The following CTNNA1 variants were observed in gnomAD, a reference collection of about 807,000 sequenced individuals.
The protein encoded by CTNNA1 is catenin alpha 1.
In CTNNA1, 37 loss-of-function variants were observed where a neutral mutation model predicts 98.4. The observed-to-expected ratio is 0.38, with a 90% CI of 0.29 to 0.49. The LOEUF (loss-of-function observed/expected upper bound fraction) is 0.49, where lower values mean the gene tolerates loss of function less well. Ranked by LOEUF, CTNNA1 falls within the 20% of genes least tolerant of loss-of-function variation. The probability of loss-of-function intolerance (pLI) is 0.95; values close to 1 mark genes in which losing one functional copy is unlikely to be tolerated. For synonymous variants in CTNNA1, 404 were observed against 413.2 expected (o/e 0.98, Z 0.27); for missense variants, 761 against 1,147.2 (o/e 0.66, Z 4.86).
chr5:138,915,105 C>T (rs1761450830), intron 10 of CTNNA1, among the ~76,000 whole-genome samples: 1 of 152,024 alleles, frequency 6.6e-6, no homozygotes. Context: ...TGACATTGCG[C>T]CACTGCACTC....
intron 3 of CTNNA1, among the ~76,000 whole-genome samples, chr5:138,794,745 A>G (rs990603122): frequency 1.3e-5 from 2 of 152,202 alleles, no homozygotes; most frequent in Non-Finnish European, 2.9e-5. Context: ...GGACATGGAG[A>G]TGGGATGGGG....
intron 11 of CTNNA1, among the ~76,000 whole-genome samples, chr5:138,923,876 G>T (rs76329481): frequency 1.3e-5 from 2 of 152,226 alleles, no homozygotes; most frequent in African/African-American, 4.8e-5. Context: ...CCACCCATCA[G>T]CTTCATAGGA....
At chr5:138,770,585 A>G (rs536404392) in intron 1 of CTNNA1, among the ~76,000 whole-genome samples, 15 of 152,256 alleles carry the variant, frequency 9.9e-5, no homozygotes, top group South Asian at 2.1e-4. Flanking sequence ...TCTGCCTGGA[A>G]TGCTCTCTTC....
At chr5:138,805,826 C>T (rs1486932409) in intron 3 of CTNNA1, among the ~76,000 whole-genome samples, 1 of 149,746 alleles carries the variant, frequency 6.7e-6, no homozygotes, top group East Asian at 1.9e-4. Flanking sequence ...GCAGAAATTT[C>T]CTTTCATTTG....
At chr5:138,898,651 T>G (rs948849403) in intron 9 of CTNNA1, among the ~76,000 whole-genome samples, 1 of 151,836 alleles carries the variant, frequency 6.6e-6, no homozygotes. Context: ...CATGTCTAAG[T>G]GTGGATTTCT....
chr5:138,835,199 A>G (rs1431463546), intron 7 of CTNNA1, among the ~76,000 whole-genome samples: 1 of 152,170 alleles, frequency 6.6e-6, no homozygotes, highest in Non-Finnish European at 1.5e-5. Flanking sequence ...GCTTCAGGCC[A>G]TCTGGATGTA....
At chr5:138,903,827 T>C (rs1191351985) in intron 9 of CTNNA1, among the ~76,000 whole-genome samples, 1 of 151,370 alleles carries the variant, frequency 6.6e-6, no homozygotes, top group African/African-American at 2.4e-5. Flanking sequence ...CTTCATGTTA[T>C]TTTTTTTTGT....
rs926934891 is a variant in CTNNA1, at chr5:138,900,355, T to C, written c.1297-3994T>C. ...TGTCCCACATCTCTTCTCACTTGCTTACTCCTACAACAGGTATAAACTGTT... is the reference window on the plus strand; with the variant it reads ...TGTCCCACATCTCTTCTCACTTGCTCACTCCTACAACAGGTATAAACTGTT... On this transcript the variant is annotated intron_variant, in intron 9 of 17. Transcript: ENST00000302763. Among the ~76,000 whole-genome samples the C allele has an allele frequency of 6.9e-4, 105 of 152,188 alleles. 1 individual carries two copies.
At chr5:138,885,127 A>G (rs1245665715) in intron 7 of CTNNA1, among the ~76,000 whole-genome samples, 1 of 152,198 alleles carries the variant, frequency 6.6e-6, no homozygotes, top group African/African-American at 2.4e-5. Flanking sequence ...ATTTTCCACA[A>G]TTGACAGGTA....
intron 5 of CTNNA1, among the ~76,000 whole-genome samples, chr5:138,812,536 T>C (rs1758938734): frequency 6.6e-6 from 1 of 152,234 alleles, no homozygotes; most frequent in African/African-American, 2.4e-5. Flanking sequence ...TTAAGTAGCT[T>C]GACAACTTGT....
Position 138,925,124 on chromosome 5 carries a change from C to A in CTNNA1, c.1748-132C>A, listed in dbSNP as rs1763725547. On this transcript the variant is annotated intron_variant, in intron 12 of 17. Transcript: ENST00000302763. The stretch of plus-strand genomic sequence containing the variant: ...ATTTAATTTATTTCAACTGTAAATA[C>A]CCTTCACACAGGTAGAAGCAGAGGC... 4.4e-6 allele frequency: 4 copies of A among 906,906 alleles called. No individual in the cohort carries two copies. The South Asian group carries it at 5.3e-5, about 12-fold the overall frequency. The allele number at this position is 906,906 out of a possible 1,614,324, so 56.2% of individuals were successfully genotyped here.
At chr5:138,866,782 G>A (rs1371875284) in intron 7 of CTNNA1, among the ~76,000 whole-genome samples, 3 of 152,196 alleles carry the variant, frequency 2.0e-5, no homozygotes. Flanking sequence ...TCCTTTAAGA[G>A]TATTCCCAAA....
chr5:138,848,301 A>G (rs1326002627), intron 7 of CTNNA1, among the ~76,000 whole-genome samples: 1 of 152,272 alleles, frequency 6.6e-6, no homozygotes, highest in Non-Finnish European at 1.5e-5. Flanking sequence ...GAGTCATGTA[A>G]GGCACAACCA....
At chr5:138,779,367 A>T (rs1432113416) in intron 1 of CTNNA1, among the ~76,000 whole-genome samples, 2 of 152,134 alleles carry the variant, frequency 1.3e-5, no homozygotes, top group African/African-American at 4.8e-5. Flanking sequence ...TTAGTTACAG[A>T]CAGTTACAGT....
chr5:138,929,411 C>G (rs1764827924), intron 14 of CTNNA1, 55 bp downstream of exon 14: 1 of 871,506 alleles, frequency 1.1e-6, no homozygotes, highest in Non-Finnish European at 1.9e-6. Flanking sequence ...TTCCCTGTCC[C>G]CTTTCTTGTT....
intron 7 of CTNNA1, among the ~76,000 whole-genome samples, chr5:138,857,661 C>T (rs1456192411): frequency 2.0e-5 from 3 of 152,256 alleles, no homozygotes; most frequent in East Asian, 1.9e-4. Context: ...ATTAGTGGCA[C>T]TGTCCATTTG....
rs1755340811 is a variant in CTNNA1 at position 138,783,343 on chromosome 5, T to C, written c.272T>C (p.Val91Ala). 1 of 1,614,050 alleles carries C rather than the reference T, an allele frequency of 6.2e-7. No homozygotes were observed. Among genetic ancestry groups the C allele is most frequent in the Non-Finnish European group, 8.5e-7 (1 of 1,179,896 alleles). Residue 91 changes from valine to alanine, a missense_variant, in exon 3 of 18, where the codon GTG (valine) becomes GCG (alanine). Physicochemically the swap from Val to Ala is moderately conservative, Grantham distance 64. Around this residue, in one of 6 missense-constraint regions of CTNNA1, gnomAD observed 328 missense variants for 354.3 expected, o/e 0.93. Coordinates refer to ENST00000302763, the MANE Select transcript of CTNNA1 (RefSeq NM_001903.5). ...AGCCAGTTTCTCAAGGAGGAGCTTG[T>C]GGCTGCTGTAGAAGATGTTCGAAAA... Reference protein sequence around the residue: ...KESQFLKEELVAAVEDVRKQG... With the variant: ...KESQFLKEELAAAVEDVRKQG...
chr5:138,830,914 A>C (rs1761216430), intron 7 of CTNNA1, among the ~76,000 whole-genome samples: 1 of 152,208 alleles, frequency 6.6e-6, no homozygotes, highest in Non-Finnish European at 1.5e-5. Flanking sequence ...CTCTTCTAGA[A>C]GATTTATTTT....
chr5:138,782,255 T>G (rs1755196636), intron 2 of CTNNA1: 1 of 599,042 alleles, frequency 1.7e-6, no homozygotes, highest in Non-Finnish European at 3.1e-6. Flanking sequence ...GTCCATGGTA[T>G]GTAGTGCAAC....
Sources: gnomAD v4.1 joint callset for allele counts (sites outside exome capture counted in the v4.1 genomes callset) on GRCh38, gnomAD v4.1.1 for gene constraint, gnomAD v4.1.1 regional missense constraint, MANE v1.5 for transcripts, NCBI Gene and HGNC (gene_info 2026-07-23, HGNC 2026-07-21) for gene names.